Variants in NEB observed in about 807,000 individuals in gnomAD.
The protein encoded by NEB is nebulin.
Under a neutral mutation model 952.2 loss-of-function variants are expected in NEB, and 512 were observed. The ratio of observed to expected loss-of-function variants is 0.54; its 90% CI spans 0.50 to 0.58. NEB has a LOEUF of 0.58. Ranked by LOEUF, NEB falls within the 20% of genes least tolerant of loss-of-function variation. NEB has a pLI of 0.00. For synonymous variants in NEB, 2,900 were observed against 3,149.8 expected, an observed-to-expected ratio of 0.92 and a Z score of 2.66; for missense variants, 8,428 against 9,231.1, an observed-to-expected ratio of 0.91 and a Z score of 3.56.
chr2:151,551,538 T>C (rs1163225242), intron 129 of NEB, among the ~76,000 whole-genome samples, 200 bp downstream of exon 129: 3 of 152,212 alleles, frequency 2.0e-5, no homozygotes, highest in Non-Finnish European at 4.4e-5. Flanking sequence ...ATGCCCATTA[T>C]GTTGGTTTGA....
At chr2:151,591,724 G>A (rs536447142) in intron 95 of NEB, among the ~76,000 whole-genome samples, 131 of 152,320 alleles carry the variant, frequency 8.6e-4, no homozygotes, top group African/African-American at 3.2e-3. Context: ...CATATTGCTT[G>A]GCTTTTACAA....
chr2:151,530,454 A>T (rs1297950942), intron 145 of NEB, among the ~76,000 whole-genome samples: 1 of 152,204 alleles, frequency 6.6e-6, no homozygotes, highest in Non-Finnish European at 1.5e-5. Context: ...ACTAAGGCCA[A>T]AGTAAACTGT....
chr2:151,544,097 A>AT (rs1316016827), intron 135 of NEB, among the ~76,000 whole-genome samples: 1 of 152,086 alleles, frequency 6.6e-6, no homozygotes, highest in African/African-American at 2.4e-5. Context: ...TTGGATCAGC[A>AT]TTTTATCAAG....
chr2:151,518,894 T>C, intron 155 of NEB, 71 bp downstream of exon 155: 1 of 1,006,102 alleles, frequency 9.9e-7, no homozygotes, highest in Non-Finnish European at 1.6e-6. Context: ...AGAAGATGCA[T>C]CTGGGCTCAG....
rs78892743 is a variant in NEB, at chr2:151,697,571, A to G, written c.1230T>C (p.Asp410=). ...CACTACTGAAGTTCTGCAGAACAGTATCGAGCTTGAATTTGGGGGTCTCGC... is the reference window on the plus strand; with the variant it reads ...CACTACTGAAGTTCTGCAGAACAGTGTCGAGCTTGAATTTGGGGGTCTCGC... ...NYCETPKFKL[D]TVLQNFSSDK... Residue 410 remains aspartate, a synonymous_variant, in exon 14 of 182, where the codon GAT becomes GAC. Coordinates refer to ENST00000397345, the MANE Select transcript of NEB (RefSeq NM_001164508.2). The G allele has an allele frequency of 1.4e-5, 22 of 1,613,434 alleles. No homozygotes were observed. In the African/African-American group the frequency reaches 1.9e-4, roughly 14 times the overall value.
At chr2:151,640,788 G>A in intron 60 of NEB, 122 bp from the exon 61 acceptor site, 2 of 868,810 alleles carry the variant, frequency 2.3e-6, no homozygotes, top group Non-Finnish European at 3.4e-6. Context: ...TTATATGATA[G>A]ATGTAGAAAC....
At position 151,694,592 on chromosome 2, in the gene NEB, T is replaced by C. The variant is rs2149262969; in HGVS notation, c.1712A>G (p.Lys571Arg). ...YKQDWEKSKAKKFDIKVDAIP... is the reference protein window; with the variant it reads ...YKQDWEKSKARKFDIKVDAIP... ...GGCATCCACTTTAATGTCAAACTTTTTGGCTTTGCTCTTCTCCCAGTCTTG... is the reference window on the plus strand; with the variant it reads ...GGCATCCACTTTAATGTCAAACTTTCTGGCTTTGCTCTTCTCCCAGTCTTG... The change falls in exon 19 of 182, where the codon AAA becomes AGA. Residue 571 changes from lysine to arginine, a missense_variant. Lys to Arg is a conservative substitution (Grantham distance 26, BLOSUM62 2). Coordinates refer to ENST00000397345, the MANE Select transcript of NEB (RefSeq NM_001164508.2). 6.2e-7 allele frequency: 1 copy of C among 1,601,638 alleles called. No homozygotes were observed. Among genetic ancestry groups the C allele is most frequent in the Non-Finnish European group, 8.5e-7 (1 of 1,173,120 alleles).
Position 151,570,129 on chromosome 2 carries a change from G to T in NEB, c.17382C>A (p.Asp5794Glu), listed in dbSNP as rs761451224. The T allele has an allele frequency of 6.2e-7, 1 of 1,613,034 alleles. No individual in the cohort carries two copies. The highest frequency in any genetic ancestry group is 1.1e-5 in the South Asian group (1 of 90,750). ...TCTTGGCCTGAATCACATCGTTCTG[G>T]TCGGGCATGCAGGTCCACTGGTGCA... Reference protein sequence around the residue: ...NYLHQWTCMPDQNDVIQAKKA... With the variant: ...NYLHQWTCMPEQNDVIQAKKA... The change falls in exon 109 of 182, where the codon GAC (aspartate) becomes GAA (glutamate). Residue 5794 changes from aspartate (D) to glutamate (E), a missense_variant. By Grantham distance (45) the Asp-to-Glu change is conservative. Coordinates refer to ENST00000397345, the MANE Select transcript of NEB (RefSeq NM_001164508.2).
In NEB at chr2:151,561,053, T is replaced by C. The variant is rs200056050; in HGVS notation, c.19157A>G (p.Glu6386Gly). 3.9e-5 allele frequency: 62 copies of C among 1,609,112 alleles called. No homozygotes were observed. The Admixed American group carries it at 9.1e-4, about 24-fold the overall frequency. Reference sequence around the variant, plus strand: ...TCTGGTTCTGTCATAATCCACTGTTTCTAGAACTGTTGTGTATTTGTCCTT... The same window carrying C: ...TCTGGTTCTGTCATAATCCACTGTTCCTAGAACTGTTGTGTATTTGTCCTT... ...QIKDKYTTVL[E>G]TVDYDRTRNL... The change falls in exon 123 of 182, where the codon GAA (glutamate) becomes GGA (glycine). Residue 6386 changes from glutamate to glycine, a missense_variant. Glu to Gly is a moderately conservative substitution (Grantham distance 98, BLOSUM62 -2). Coordinates refer to ENST00000397345, the MANE Select transcript of NEB (RefSeq NM_001164508.2).
At chr2:151,512,630 G>A in intron 161 of NEB, 103 bp downstream of exon 161, 1 of 902,444 alleles carries the variant, frequency 1.1e-6, no homozygotes, top group Non-Finnish European at 1.8e-6. Flanking sequence ...TTTTTTATTG[G>A]GAAAAACTGA....
rs373829936 is a variant in NEB at position 151,609,841 on chromosome 2, G to C, written c.12298C>G (p.Gln4100Glu). 1.2e-4 allele frequency: 198 copies of C among 1,594,454 alleles called. No individual in the cohort carries two copies. Among genetic ancestry groups the C allele is most frequent in the Non-Finnish European group, 1.7e-4 (196 of 1,170,416 alleles). Residue 4100 changes from glutamine to glutamate, a missense_variant, in exon 81 of 182, where the codon CAA becomes GAA. Coordinates refer to ENST00000397345, the MANE Select transcript of NEB (RefSeq NM_001164508.2). ...TCMPDQNDIIQAKKAYDLQSD... is the reference protein window; with the variant it reads ...TCMPDQNDIIEAKKAYDLQSD... ...TGCAGGTCATAGGCCTTTTTTGCTT[G>C]GATAATGTCGTTTTGATCCGGCATG...
At position 151,505,713 on chromosome 2, in the gene NEB, G is replaced by A. The variant is rs565944075; in HGVS notation, c.23650-143C>T. ...CAGGCTTTATACTTAGTGTGAATGG[G>A]ACCTCATTCTGATACTGGGTAAGAG... On this transcript the variant is annotated intron_variant, in intron 164 of 181. Coordinates refer to ENST00000397345, the MANE Select transcript of NEB (RefSeq NM_001164508.2). 90 of 680,592 alleles carry A rather than the reference G, an allele frequency of 1.3e-4. No individual in the cohort carries two copies. In the South Asian group the frequency reaches 1.5e-3, roughly 12 times the overall value. The allele number at this position is 680,592 out of a possible 1,614,324, so 42.2% of individuals were successfully genotyped here. A position where few individuals can be genotyped will look rare whatever the true frequency, so the allele number is the denominator to read the frequency against.
In NEB at chr2:151,665,420, G is replaced by C; in HGVS notation, c.5151C>G (p.Arg1717=). Reference sequence around the variant, plus strand: ...TGAACTTCAGCTTCTCGGGGTGCTGGCGATACTTCTTCTCACTAAGAATCT... The same window carrying C: ...TGAACTTCAGCTTCTCGGGGTGCTGCCGATACTTCTTCTCACTAAGAATCT... ...AGEILSEKKY[R]QHPEKLKFTY... is the part of the protein sequence containing the mutation. Residue 1717 remains arginine, a synonymous_variant, in exon 42 of 182, where the codon CGC becomes CGG. Coordinates refer to ENST00000397345, the MANE Select transcript of NEB (RefSeq NM_001164508.2). The C allele has an allele frequency of 6.2e-7, 1 of 1,613,634 alleles. No individual in the cohort carries two copies. Among genetic ancestry groups the C allele is most frequent in the South Asian group, 1.1e-5 (1 of 91,008 alleles).
rs371909976 is a variant in NEB, at chr2:151,682,709, A to C, written c.2896T>G (p.Ser966Ala). ...MKGCGWVPFG[S>A]LEMEKAKRAS... ...CGCTTTGCCTTTTCCATTTCTAAGG[A>C]CCCAAAAGGCACCCAGCCACAACCT... is the stretch of plus-strand genomic sequence containing the variant. The change falls in exon 29 of 182, where the codon TCC becomes GCC. Residue 966 changes from serine (S) to alanine (A), a missense_variant. Transcript: ENST00000397345. The C allele has an allele frequency of 6.2e-7, 1 of 1,613,226 alleles. No homozygotes were observed. Among genetic ancestry groups the C allele is most frequent in the South Asian group, 1.1e-5 (1 of 90,950 alleles).
Position 151,569,371 on chromosome 2 carries a change from T to G in NEB, c.17432A>C (p.Asn5811Thr). 1 of 1,613,494 alleles carries G rather than the reference T, an allele frequency of 6.2e-7. No homozygotes were observed. The highest frequency in any genetic ancestry group is 1.1e-5 in the South Asian group (1 of 91,068). The change falls in exon 110 of 182, where the codon AAT (asparagine) becomes ACT (threonine). Residue 5811 changes from asparagine to threonine, a missense_variant and splice_region_variant. Coordinates refer to ENST00000397345, the MANE Select transcript of NEB (RefSeq NM_001164508.2). ...AKKAYELQSD[N>T]VYKADLEWLR... The stretch of plus-strand genomic sequence containing the variant: ...CCATTCCAAGTCAGCCTTGTAAACA[T>G]TCTGTGAAAACAGGGCCAGAATGAG...
At chr2:151,612,882 T>C (rs1365821294) in intron 77 of NEB, among the ~76,000 whole-genome samples, 2 of 152,234 alleles carry the variant, frequency 1.3e-5, no homozygotes, top group Non-Finnish European at 2.9e-5. Context: ...TGCTTCTATG[T>C]ACATGCTTCC....
At position 151,692,290 on chromosome 2, in the gene NEB, G is replaced by C; in HGVS notation, c.1969C>G (p.Leu657Val). 6.2e-7 allele frequency: 1 copy of C among 1,613,752 alleles called. No individual in the cohort carries two copies. The highest frequency in any genetic ancestry group is 8.5e-7 in the Non-Finnish European group (1 of 1,179,784). ...CTGAAGTTCTTCAGCTGAGTATCAA[G>C]TTGATATTTTGGGGTCTCACAGTAA... ...MNYCETPKYQ[L>V]DTQLKNFSEA... The change falls in exon 21 of 182, where the codon CTT (leucine) becomes GTT (valine). Residue 657 changes from leucine (L) to valine (V), a missense_variant. This residue lies in a region of NEB where 2,851 missense variants were observed against 2,791.5 expected (regional missense o/e 1.02). Transcript: ENST00000397345.
At chr2:151,560,952 C>T in intron 123 of NEB, 52 bp downstream of exon 123, 1 of 1,138,086 alleles carries the variant, frequency 8.8e-7, no homozygotes, top group Non-Finnish European at 1.3e-6. Context: ...CTTACTGTCC[C>T]AGAAGGGGGA....
intron 20 of NEB, among the ~76,000 whole-genome samples, chr2:151,692,796 C>A (rs2099568970): frequency 6.6e-6 from 1 of 152,066 alleles, no homozygotes; most frequent in South Asian, 2.1e-4. Flanking sequence ...GTGGTAAAAC[C>A]CCGTCTCTAC....
Sources: gnomAD v4.1 joint callset for allele counts (sites outside exome capture counted in the v4.1 genomes callset) on GRCh38, gnomAD v4.1.1 for gene constraint, gnomAD v4.1.1 regional missense constraint, MANE v1.5 for transcripts, NCBI Gene and HGNC (gene_info 2026-07-23, HGNC 2026-07-21) for gene names.